EIF3L: variants seen among roughly 807,000 people sequenced by gnomAD.
The protein encoded by EIF3L is eukaryotic translation initiation factor 3 subunit L, also known as eIEF associated protein HSPC021.
EIF3L carries 32 observed loss-of-function variants against 74.6 expected under a neutral mutation model. That is an observed-to-expected ratio of 0.43 (90% CI 0.32 to 0.58). EIF3L has a LOEUF of 0.58. EIF3L is among the 20% of genes least tolerant of loss of function. EIF3L has a pLI of 0.06. For missense variants in EIF3L, 474 were observed against 707.8 expected, an observed-to-expected ratio of 0.67 and a Z score of 3.75; for synonymous variants, 256 against 254.4, an observed-to-expected ratio of 1.01 and a Z score of -0.06.
chr22:37,865,132 G>C (rs560345712), intron 7 of EIF3L, among the ~76,000 whole-genome samples: 9 of 152,210 alleles, frequency 5.9e-5, no homozygotes, highest in Non-Finnish European at 1.2e-4. Context: ...CAAGGCAGTA[G>C]GATCGCTTCA....
chr22:37,852,883 C>G (rs959748116), intron 3 of EIF3L, among the ~76,000 whole-genome samples: 5 of 152,034 alleles, frequency 3.3e-5, no homozygotes, highest in African/African-American at 4.8e-5. Context: ...AAACCTTGTT[C>G]GGAGGTTGAA....
chr22:37,876,658 C>G (rs944932521), intron 10 of EIF3L: 4 of 151,702 alleles, frequency 2.6e-5, no homozygotes, highest in South Asian at 2.1e-4. Context: ...TGCCTGTTAC[C>G]TCAGATCATT....
Position 37,889,356 on chromosome 22 carries a change from T to C in EIF3L, c.*892T>C, listed in dbSNP as rs946473807. ...GTGAGCCACCGTGCCCAGCCCTAAA[T>C]TGAATTCTTAAATCCCTCTTGTTCA... On this transcript the variant is annotated 3_prime_UTR_variant, in exon 13 of 13. Coordinates refer to ENST00000652021, the MANE Select transcript of EIF3L (RefSeq NM_016091.4). 1 of 152,162 alleles carries C rather than the reference T, an allele frequency of 6.6e-6. No individual in the cohort carries two copies. The highest frequency in any genetic ancestry group is 1.5e-5 in the Non-Finnish European group (1 of 68,016). 9.4% of individuals were successfully genotyped at this position (152,162 alleles called of 1,614,324 possible).
At chr22:37,869,884 CTTTGGGTTGTG>C (rs1299596465) in intron 7 of EIF3L, among the ~76,000 whole-genome samples, 1 of 152,134 alleles carries the variant, frequency 6.6e-6, no homozygotes, top group East Asian at 1.9e-4. Flanking sequence ...CAGGAAGTGA[CTTTGGGTTGTG>C]TTTGACTCCA....
chr22:37,888,450 G>A lies in EIF3L; in HGVS notation c.1681G>A (p.Gly561Arg). The A allele has an allele frequency of 1.9e-6, 3 of 1,613,854 alleles. No individual in the cohort carries two copies. Among genetic ancestry groups the A allele is most frequent in the Admixed American group, 3.3e-5 (2 of 60,004 alleles). The change falls in exon 13 of 13, where the codon GGA (glycine) becomes AGA (arginine). Residue 561 changes from glycine to arginine, a missense_variant. Gly to Arg is a moderately radical substitution (Grantham distance 125, BLOSUM62 -2). Around this residue, in one of 4 missense-constraint regions of EIF3L, gnomAD observed 293 missense variants for 469.1 expected, o/e 0.62. Transcript: ENST00000652021. ...EELNRTLKKM[G>R]QRP ...GCTTAATCGAACCCTGAAGAAGATGGGACAGAGACCTTGATGATATTCACA... is the reference window on the plus strand; with the variant it reads ...GCTTAATCGAACCCTGAAGAAGATGAGACAGAGACCTTGATGATATTCACA...
At chr22:37,851,607 G>A in intron 3 of EIF3L, 117 bp downstream of exon 3, 2 of 493,714 alleles carry the variant, frequency 4.1e-6, no homozygotes, top group South Asian at 1.9e-5. Context: ...GGGGGGTGGG[G>A]GTCTTTGTGA....
At chr22:37,874,305 C>G (rs956949956) in intron 8 of EIF3L, 65 bp from the exon 9 acceptor site, 2 of 1,540,308 alleles carry the variant, frequency 1.3e-6, no homozygotes, top group African/African-American at 2.7e-5. Flanking sequence ...GAGTAACATT[C>G]AGAGGTCAGG....
At chr22:37,888,315 C>T in intron 12 of EIF3L, 111 bp from the exon 13 acceptor site, 2 of 1,170,918 alleles carry the variant, frequency 1.7e-6, no homozygotes, top group Non-Finnish European at 2.5e-6. Flanking sequence ...CAGAAACTTC[C>T]TTTCTTGGCT....
Position 37,888,876 on chromosome 22 carries a change from A to T in EIF3L, c.*412A>T, listed in dbSNP as rs1054492331. On this transcript the variant is annotated 3_prime_UTR_variant, in exon 13 of 13. Transcript: ENST00000652021. ...TGCCTCAGCCTTCCAAGTAGCTGGG[A>T]TTACAGGCGTGTGCCACCACACTCA... 2.3e-5 allele frequency: 4 copies of T among 175,534 alleles called. No homozygotes were observed. The highest frequency in any genetic ancestry group is 9.6e-5 in the African/African-American group (4 of 41,822). 10.9% of individuals were successfully genotyped at this position (175,534 alleles called of 1,614,324 possible).
intron 9 of EIF3L, among the ~76,000 whole-genome samples, chr22:37,875,544 G>T (rs1300678776): frequency 2.6e-5 from 4 of 152,120 alleles, no homozygotes; most frequent in African/African-American, 9.7e-5. Context: ...TGTCCAAAAG[G>T]ACTTAATTGA....
chr22:37,849,492 C>A lies in EIF3L; in HGVS notation c.33+10C>A. The A allele has an allele frequency of 2.5e-6, 4 of 1,588,502 alleles. No individual in the cohort carries two copies. Among genetic ancestry groups the A allele is most frequent in the South Asian group, 2.2e-5 (2 of 89,336 alleles). ...TGATTATGAGTCTGAGGTAAGGTGG[C>A]CGTAAGGGCGCGGTGGGCTCCACGA... On this transcript the variant is annotated intron_variant, in intron 1 of 12. Coordinates refer to ENST00000652021, the MANE Select transcript of EIF3L (RefSeq NM_016091.4).
At chr22:37,874,296 A>C in intron 8 of EIF3L, 74 bp from the exon 9 acceptor site, 1 of 1,506,906 alleles carries the variant, frequency 6.6e-7, no homozygotes, top group South Asian at 1.3e-5. Flanking sequence ...ATGCCTACTG[A>C]GTAACATTCA....
intron 3 of EIF3L, among the ~76,000 whole-genome samples, chr22:37,854,412 G>A (rs1204225637): frequency 6.6e-6 from 1 of 152,134 alleles, no homozygotes; most frequent in Non-Finnish European, 1.5e-5. Flanking sequence ...GGTAAGTATC[G>A]GGGACATAAA....
rs1445198741 is a variant in EIF3L at position 37,888,878 on chromosome 22, T to A, written c.*414T>A. The A allele has an allele frequency of 1.1e-5, 2 of 175,320 alleles. No individual in the cohort carries two copies. Among genetic ancestry groups the A allele is most frequent in the African/African-American group, 4.8e-5 (2 of 41,868 alleles). The allele number at this position is 175,320 out of a possible 1,614,324, so 10.9% of individuals were successfully genotyped here. A position where few individuals can be genotyped will look rare whatever the true frequency, so the allele number is the denominator to read the frequency against. On this transcript the variant is annotated 3_prime_UTR_variant, in exon 13 of 13. Coordinates refer to ENST00000652021, the MANE Select transcript of EIF3L (RefSeq NM_016091.4). The stretch of plus-strand genomic sequence containing the variant: ...CCTCAGCCTTCCAAGTAGCTGGGAT[T>A]ACAGGCGTGTGCCACCACACTCAGC...
At chr22:37,874,895 A>ATTT (rs35994639) in intron 9 of EIF3L, among the ~76,000 whole-genome samples, 20 of 113,484 alleles carry the variant, frequency 1.8e-4, no homozygotes, top group South Asian at 2.9e-4. Flanking sequence ...TGCCCAGCTA[A>ATTT]TTTTTTTTTT....
At position 37,849,472 on chromosome 22, in the gene EIF3L, A is replaced by T; in HGVS notation, c.23A>T (p.Tyr8Phe). The change falls in exon 1 of 13, where the codon TAT becomes TTT. Residue 8 changes from tyrosine to phenylalanine, a missense_variant. Transcript: ENST00000652021. MSYPADDYESEAAYDPYA... is the reference protein window; with the variant it reads MSYPADDFESEAAYDPYA... ...GCCATGTCTTATCCCGCTGATGATT[A>T]TGAGTCTGAGGTAAGGTGGCCGTAA... The T allele has an allele frequency of 1.2e-6, 2 of 1,610,548 alleles. No individual in the cohort carries two copies. The highest frequency in any genetic ancestry group is 1.7e-6 in the Non-Finnish European group (2 of 1,177,852).
intron 7 of EIF3L, among the ~76,000 whole-genome samples, chr22:37,866,884 G>T (rs189539310): frequency 2.0e-5 from 3 of 152,228 alleles, no homozygotes; most frequent in Admixed American, 6.5e-5. Flanking sequence ...GTGTACAGTG[G>T]ATGAGATTCA....
At chr22:37,850,569 C>T (rs1474423653) in intron 2 of EIF3L, 1 of 188,624 alleles carries the variant, frequency 5.3e-6, no homozygotes, top group Non-Finnish European at 1.2e-5. Context: ...GAACTCCTGA[C>T]CTCAGGTGAT....
chr22:37,849,629 C>T (rs7292777), intron 1 of EIF3L, 147 bp downstream of exon 1: 10 of 904,014 alleles, frequency 1.1e-5, no homozygotes, highest in Non-Finnish European at 1.5e-5. Flanking sequence ...CCACAGTTCC[C>T]GGTCCCTAGA....
Sources: allele counts gnomAD v4.1 joint callset (sites outside exome capture counted in the v4.1 genomes callset), GRCh38; gene constraint gnomAD v4.1.1; regional missense constraint gnomAD v4.1.1; transcripts MANE v1.5; gene names NCBI Gene and HGNC (gene_info 2026-07-23, HGNC 2026-07-21).